The following CAPNS1 variants were observed in gnomAD, a reference collection of about 807,000 sequenced individuals.
The protein encoded by CAPNS1 is CANP small subunit.
Under a neutral mutation model 39.2 loss-of-function variants are expected in CAPNS1, and 32 were observed. That is an observed-to-expected ratio of 0.82 (90% CI 0.62 to 1.10). CAPNS1 has a LOEUF of 1.10. Ranked by LOEUF, CAPNS1 falls within the 50% of genes least tolerant of loss-of-function variation. The probability of loss-of-function intolerance (pLI) is 0.00; values close to 1 mark genes in which losing one functional copy is unlikely to be tolerated. For missense variants in CAPNS1, 353 were observed against 373.1 expected (o/e 0.95, Z 0.44); for synonymous variants, 153 against 136.2 (o/e 1.12, Z -0.86).
At chr19:36,143,633 G>A (rs957011897) in intron 6 of CAPNS1, among the ~76,000 whole-genome samples, 2 of 151,358 alleles carry the variant, frequency 1.3e-5, no homozygotes, top group Admixed American at 6.6e-5. Context: ...AGGCCGAGGC[G>A]GGCGGATCAC....
At position 36,146,263 on chromosome 19, in the gene CAPNS1, G is replaced by A. The variant is rs1974564308; in HGVS notation, c.672G>A (p.Met224Ile). ...GCTACTCAGATGAAAGTGGGAACATGGATTTTGACAACTTCATCAGCTGCT... is the reference window on the plus strand; with the variant it reads ...GCTACTCAGATGAAAGTGGGAACATAGATTTTGACAACTTCATCAGCTGCT... ...IRRYSDESGN[M>I]DFDNFISCLV... The change falls in exon 9 of 11, where the codon ATG becomes ATA. Residue 224 changes from methionine to isoleucine, a missense_variant. Coordinates refer to ENST00000246533, the MANE Select transcript of CAPNS1 (RefSeq NM_001749.4). The A allele has an allele frequency of 2.5e-6, 4 of 1,614,112 alleles. No individual in the cohort carries two copies. The highest frequency in any genetic ancestry group is 3.4e-6 in the Non-Finnish European group (4 of 1,179,962).
chr19:36,147,974 G>C (rs17878680), intron 9 of CAPNS1: 6,337 of 152,060 alleles, frequency 0.042, 190 homozygotes, highest in Non-Finnish European at 0.06. Flanking sequence ...AGGAGGTTTA[G>C]GGAGGGAGAA....
chr19:36,142,233 G>A (rs931384044), intron 2 of CAPNS1, 67 bp from the exon 3 acceptor site: 20 of 922,554 alleles, frequency 2.2e-5, no homozygotes, highest in Admixed American at 1.7e-4. Flanking sequence ...GGGGCTGATG[G>A]TTCTGTAGTG....
In CAPNS1 at chr19:36,145,732, A is replaced by ACCATC. The variant is rs556409777; in HGVS notation, c.457-73_457-69dup. 464 of 1,326,270 alleles carry ACCATC rather than the reference A, an allele frequency of 3.5e-4. 1 individual carries two copies. In the African/African-American group the frequency reaches 5.4e-3, roughly 15 times the overall value. The allele number at this position is 1,326,270 out of a possible 1,614,324, so 82.2% of individuals were successfully genotyped here. A position where few individuals can be genotyped will look rare whatever the true frequency, so the allele number is the denominator to read the frequency against. On this transcript the variant is annotated intron_variant, in intron 6 of 10. Transcript: ENST00000246533. ...CCCTGGCTGCCCTGCTTGCTGTATCACCATCGTGTCCACAGTGCATGTGAT... is the reference window on the plus strand; with the variant it reads ...CCCTGGCTGCCCTGCTTGCTGTATCACCATCCCATCGTGTCCACAGTGCATGTGAT...
intron 6 of CAPNS1, among the ~76,000 whole-genome samples, chr19:36,144,462 G>T (rs917132527): frequency 1.3e-5 from 2 of 152,170 alleles, no homozygotes; most frequent in African/African-American, 4.8e-5. Context: ...GGTGTATGAG[G>T]CAGTGTGCAC....
At chr19:36,142,264 C>T (rs752829010) in intron 2 of CAPNS1, 36 bp from the exon 3 acceptor site, 1 of 1,523,982 alleles carries the variant, frequency 6.6e-7, no homozygotes, top group Non-Finnish European at 9.1e-7. Flanking sequence ...GAGGCCCCGC[C>T]CCTGGCACTA....
At chr19:36,143,160 G>T in intron 6 of CAPNS1, 32 bp downstream of exon 6, 1 of 1,601,764 alleles carries the variant, frequency 6.2e-7, no homozygotes, top group Non-Finnish European at 8.6e-7. Flanking sequence ...GAGAGGCCCT[G>T]GGTGGACAGA....
rs1211413706 is a variant in CAPNS1, at chr19:36,150,001, A to G, written c.*162A>G. The G allele has an allele frequency of 3.2e-6, 2 of 624,618 alleles. No homozygotes were observed. The highest frequency in any genetic ancestry group is 6.7e-5 in the East Asian group (2 of 29,632). 38.7% of individuals were successfully genotyped at this position (624,618 alleles called of 1,614,324 possible). On this transcript the variant is annotated 3_prime_UTR_variant, in exon 11 of 11. Transcript: ENST00000246533. ...CTTGTTACCCAGCTTCTCAACATCC[A>G]GGGCCCAATTTGCCCTGCCTGGAGT... is the stretch of plus-strand genomic sequence containing the variant.
At chr19:36,144,128 G>T (rs1174422521) in intron 6 of CAPNS1, 1 of 142,768 alleles carries the variant, frequency 7.0e-6, no homozygotes, top group African/African-American at 2.6e-5. Context: ...AGTGAGCCGA[G>T]ATCGCGCCAC....
In CAPNS1 at chr19:36,140,917, C is replaced by T. The variant is rs1242951610; in HGVS notation, c.-15-80C>T. 8 of 1,569,278 alleles carry T rather than the reference C, an allele frequency of 5.1e-6. No individual in the cohort carries two copies. The African/African-American group carries it at 9.9e-5, about 19-fold the overall frequency. The stretch of plus-strand genomic sequence containing the variant: ...GGAGGCTTCAGATTCCTCCCAGGTC[C>T]AGCTGCCGGAAATGCGTGTTTGAAG... On this transcript the variant is annotated intron_variant, in intron 1 of 10. Transcript: ENST00000246533.
rs1283010124 is a variant in CAPNS1 at position 36,149,610 on chromosome 19, G to A, written c.754G>A (p.Gly252Arg). Reference sequence around the variant, plus strand: ...CAAATCTCTTGACAAAGATGGCACTGGACAAATCCAGGTGAACATCCAGGA... The same window carrying A: ...CAAATCTCTTGACAAAGATGGCACTAGACAAATCCAGGTGAACATCCAGGA... The part of the protein sequence containing the change: ...AFKSLDKDGT[G>R]QIQVNIQEWL... Residue 252 changes from glycine to arginine, a missense_variant, in exon 10 of 11, where the codon GGA (glycine) becomes AGA (arginine). Transcript: ENST00000246533. 5.2e-6 allele frequency: 8 copies of A among 1,531,704 alleles called. No homozygotes were observed. Among genetic ancestry groups the A allele is most frequent in the Non-Finnish European group, 7.0e-6 (8 of 1,141,590 alleles). 94.9% of individuals were successfully genotyped at this position (1,531,704 alleles called of 1,614,324 possible).
chr19:36,142,680 A>G lies in CAPNS1; in HGVS notation c.272A>G (p.Glu91Gly). ...PPPRTHYSNIEANESEEVRQF... is the reference protein window; with the variant it reads ...PPPRTHYSNIGANESEEVRQF... ...CCACGCACACATTACTCCAACATTG[A>G]GGCCAACGAGAGTGAGGAGGTCCGG... is the stretch of plus-strand genomic sequence containing the variant. The change falls in exon 4 of 11, where the codon GAG (glutamate) becomes GGG (glycine). Residue 91 changes from glutamate (E) to glycine (G), a missense_variant. Physicochemically the swap from Glu to Gly is moderately conservative, Grantham distance 98. Coordinates refer to ENST00000246533, the MANE Select transcript of CAPNS1 (RefSeq NM_001749.4). The G allele has an allele frequency of 6.2e-7, 1 of 1,614,050 alleles. No individual in the cohort carries two copies.
At chr19:36,146,155 G>A (rs779646843) in intron 8 of CAPNS1, 41 bp from the exon 9 acceptor site, 4 of 1,582,564 alleles carry the variant, frequency 2.5e-6, no homozygotes, top group South Asian at 2.2e-5. Flanking sequence ...AGTGGGTTGG[G>A]CCATGTGGCC....
Position 36,146,279 on chromosome 19 carries a change from A to T in CAPNS1, c.688A>T (p.Ile230Phe). Reference protein sequence around the residue: ...ESGNMDFDNFISCLVRLDAMF... With the variant: ...ESGNMDFDNFFSCLVRLDAMF... Reference sequence around the variant, plus strand: ...TGGGAACATGGATTTTGACAACTTCATCAGCTGCTTGGTCAGGCTGGACGC... The same window carrying T: ...TGGGAACATGGATTTTGACAACTTCTTCAGCTGCTTGGTCAGGCTGGACGC... The change falls in exon 9 of 11, where the codon ATC becomes TTC. Residue 230 changes from isoleucine to phenylalanine, a missense_variant. Physicochemically the swap from Ile to Phe is conservative, Grantham distance 21. Coordinates refer to ENST00000246533, the MANE Select transcript of CAPNS1 (RefSeq NM_001749.4). The T allele has an allele frequency of 6.2e-7, 1 of 1,613,876 alleles. No individual in the cohort carries two copies. Among genetic ancestry groups the T allele is most frequent in the South Asian group, 1.1e-5 (1 of 91,058 alleles).
rs17881998 is a variant in CAPNS1 at position 36,142,116 on chromosome 19, G to C, written c.210-184G>C. On this transcript the variant is annotated intron_variant, in intron 2 of 10. Transcript: ENST00000246533. ...GGGTGGGGTTGGCCTGAGGAAGGGA[G>C]AAGAGGGGCACGACCAGGGCAGTGT... Among the ~76,000 whole-genome samples the C allele has an allele frequency of 7.0e-4, 106 of 152,288 alleles. 3 individuals carry two copies. In the East Asian group the frequency reaches 0.02, roughly 29 times the overall value.
rs540068421 is a variant in CAPNS1 at position 36,145,634 on chromosome 19, G to A, written c.457-172G>A. On this transcript the variant is annotated intron_variant, in intron 6 of 10. Coordinates refer to ENST00000246533, the MANE Select transcript of CAPNS1 (RefSeq NM_001749.4). ...TATTTAGAAATGTAAGTGACAATAT[G>A]TATGGATAAAATGAAAAATAAAACC... is the stretch of plus-strand genomic sequence containing the variant. The A allele has an allele frequency of 3.7e-5, 22 of 595,078 alleles. 1 individual carries two copies. In the South Asian group the frequency reaches 4.4e-4, roughly 12 times the overall value. 36.9% of individuals were successfully genotyped at this position (595,078 alleles called of 1,614,324 possible).
chr19:36,141,249 G>A (rs1301388500), intron 2 of CAPNS1, 29 bp downstream of exon 2: 6 of 1,508,550 alleles, frequency 4.0e-6, no homozygotes, highest in Admixed American at 2.4e-5. Context: ...GAGGGGCGGG[G>A]CCTGGGAATG....
At chr19:36,146,451 T>C in intron 9 of CAPNS1, 139 bp downstream of exon 9, 1 of 695,838 alleles carries the variant, frequency 1.4e-6, no homozygotes, top group Admixed American at 1.8e-5. Context: ...TCTGCCCTCA[T>C]GGAGCTCACA....
At chr19:36,142,197 A>C (rs1599876613) in intron 2 of CAPNS1, 103 bp from the exon 3 acceptor site, 1 of 795,348 alleles carries the variant, frequency 1.3e-6, no homozygotes, top group African/African-American at 1.7e-5. Context: ...CAAGTAAGGA[A>C]GATAACGGCT....
Sources: allele counts gnomAD v4.1 joint callset (sites outside exome capture counted in the v4.1 genomes callset), GRCh38; gene constraint gnomAD v4.1.1; transcripts MANE v1.5; gene names NCBI Gene and HGNC (gene_info 2026-07-23, HGNC 2026-07-21).